Variants in MMP16 observed in about 807,000 individuals in gnomAD.
MMP16 encodes matrix metalloproteinase-16.
A neutral mutation model predicts 67.8 loss-of-function variants in MMP16; 12 were observed. That is an observed-to-expected ratio of 0.18 (90% CI 0.11 to 0.29). The LOEUF is 0.29. MMP16 is among the 10% of genes least tolerant of loss of function. MMP16 has a pLI of 1.00. For missense variants in MMP16, 475 were observed against 765.7 expected (o/e 0.62, Z 4.48); for synonymous variants, 249 against 255.9 (o/e 0.97, Z 0.26).
intron 6 of MMP16, among the ~76,000 whole-genome samples, chr8:88,101,731 G>A (rs1368783170): frequency 1.3e-5 from 2 of 151,870 alleles, no homozygotes; most frequent in Non-Finnish European, 1.5e-5. Flanking sequence ...GACAGATTAA[G>A]AATATGATGT....
Position 88,041,874 on chromosome 8 carries a change from G to A in MMP16, c.1490-79C>T, listed in dbSNP as rs565147285. 1.5e-5 allele frequency: 16 copies of A among 1,078,906 alleles called. No homozygotes were observed. In the African/African-American group the frequency reaches 1.6e-4, roughly 11 times the overall value. 66.8% of individuals were successfully genotyped at this position (1,078,906 alleles called of 1,614,324 possible). ...ATGTAGAGAAATGTTACTAAAATAGGCTATGTCTTAAGAGATGTATTTTAA... is the reference window on the plus strand; with the variant it reads ...ATGTAGAGAAATGTTACTAAAATAGACTATGTCTTAAGAGATGTATTTTAA... On this transcript the variant is annotated intron_variant, in intron 9 of 9. Coordinates refer to ENST00000286614, the MANE Select transcript of MMP16 (RefSeq NM_005941.5). The surrounding 1 kb of genome is among the most constrained non-coding windows in gnomAD (Gnocchi z 6.0).
At chr8:88,249,812 GCA>G (rs1211885328) in intron 1 of MMP16, among the ~76,000 whole-genome samples, 1 of 152,008 alleles carries the variant, frequency 6.6e-6, no homozygotes, top group Admixed American at 6.6e-5. Context: ...AACAGGGTTG[GCA>G]CACAGAAGGA....
chr8:88,293,329 C>CAT (rs1554592330), intron 1 of MMP16, among the ~76,000 whole-genome samples: 14 of 151,758 alleles, frequency 9.2e-5, no homozygotes, highest in African/African-American at 3.4e-4. Context: ...CTACTTAATG[C>CAT]TTTTTTTTAA....
chr8:88,210,148 G>C (rs575512515), intron 1 of MMP16, among the ~76,000 whole-genome samples: 2 of 152,090 alleles, frequency 1.3e-5, no homozygotes, highest in Non-Finnish European at 2.9e-5. Flanking sequence ...TGAAATTTCT[G>C]CTCTTTAAAT....
chr8:88,262,217 A>G (rs1810398562), intron 1 of MMP16, among the ~76,000 whole-genome samples: 1 of 152,252 alleles, frequency 6.6e-6, no homozygotes, highest in Admixed American at 6.5e-5. Flanking sequence ...TTATTATTAC[A>G]GGAAAAGTGT....
intron 1 of MMP16, among the ~76,000 whole-genome samples, chr8:88,296,825 G>A (rs1193011359): frequency 1.4e-5 from 2 of 147,376 alleles, no homozygotes; most frequent in Non-Finnish European, 3.0e-5. Context: ...AGCCTGGGTG[G>A]CAAAGTCAGA....
intron 7 of MMP16, among the ~76,000 whole-genome samples, chr8:88,057,271 C>G (rs925696123): frequency 6.6e-6 from 1 of 152,052 alleles, no homozygotes; most frequent in Non-Finnish European, 1.5e-5. Flanking sequence ...TTTCCTAGGA[C>G]TCTGTTCTCT....
rs28904269 is a variant in MMP16, at chr8:88,300,516, C to G, written c.132+26559G>C. On this transcript the variant is annotated intron_variant, in intron 1 of 9. Coordinates refer to ENST00000286614, the MANE Select transcript of MMP16 (RefSeq NM_005941.5). ...TTAGTACCTCTCTCTGTTATCAGAT[C>G]ACCCGTTGTGAGATAACAGTGCTTG... 1.1e-4 allele frequency among the ~76,000 whole-genome samples: 17 copies of G among 152,282 alleles called. No homozygotes were observed. The East Asian group carries it at 2.9e-3, about 26-fold the overall frequency.
intron 6 of MMP16, among the ~76,000 whole-genome samples, chr8:88,116,217 T>G (rs1395179075): frequency 2.0e-5 from 3 of 152,124 alleles, no homozygotes; most frequent in Non-Finnish European, 4.4e-5. Flanking sequence ...TATTCATGAT[T>G]CAAATTATGC....
At chr8:88,068,576 T>C (rs568732049) in intron 7 of MMP16, among the ~76,000 whole-genome samples, 33 of 152,250 alleles carry the variant, frequency 2.2e-4, no homozygotes, top group African/African-American at 7.0e-4. Flanking sequence ...AGGATGTGAA[T>C]TGGAGGTTTG....
rs1808025605 is a variant in MMP16, at chr8:88,034,277, AT to A, written c.*7183del. 6.6e-6 allele frequency: 1 copy of A among 152,182 alleles called. No homozygotes were observed. The highest frequency in any genetic ancestry group is 2.4e-5 in the African/African-American group (1 of 41,368). The allele number at this position is 152,182 out of a possible 1,614,324, so 9.4% of individuals were successfully genotyped here. A position where few individuals can be genotyped will look rare whatever the true frequency, so the allele number is the denominator to read the frequency against. ...AAAGGCAAGATAGGAATAGAAAGAAATGCAAATATAGACAGAGACTGCATAG... is the reference window on the plus strand; with the variant it reads ...AAAGGCAAGATAGGAATAGAAAGAAAGCAAATATAGACAGAGACTGCATAG... On this transcript the variant is annotated 3_prime_UTR_variant, in exon 10 of 10. Coordinates refer to ENST00000286614, the MANE Select transcript of MMP16 (RefSeq NM_005941.5).
intron 1 of MMP16, among the ~76,000 whole-genome samples, chr8:88,323,787 A>C (rs1034155132): frequency 6.8e-6 from 1 of 146,974 alleles, no homozygotes; most frequent in Non-Finnish European, 1.5e-5. Flanking sequence ...ACAGCATACC[A>C]AAAAAAAAAG....
At chr8:88,191,388 G>A (rs1363804060) in intron 2 of MMP16, among the ~76,000 whole-genome samples, 1 of 152,146 alleles carries the variant, frequency 6.6e-6, no homozygotes, top group Non-Finnish European at 1.5e-5. Flanking sequence ...CTAGCAGACA[G>A]TAACTACTAT....
chr8:88,246,461 T>A (rs78851218), intron 1 of MMP16, among the ~76,000 whole-genome samples: 2 of 152,306 alleles, frequency 1.3e-5, no homozygotes, highest in African/African-American at 4.8e-5. Context: ...GAAGACTGTG[T>A]AGCGATCTCA....
intron 8 of MMP16, among the ~76,000 whole-genome samples, chr8:88,048,202 A>G (rs911833839): frequency 2.6e-5 from 4 of 152,182 alleles, no homozygotes; most frequent in African/African-American, 9.7e-5. Flanking sequence ...ATGTGAGTAT[A>G]GACATTAGGG....
intron 1 of MMP16, among the ~76,000 whole-genome samples, chr8:88,301,691 T>C (rs943348732): frequency 3.9e-5 from 6 of 152,210 alleles, no homozygotes; most frequent in Non-Finnish European, 7.3e-5. Context: ...CTGAGATGAC[T>C]GAATCATAGC....
At chr8:88,098,267 T>A (rs1809063871) in intron 6 of MMP16, among the ~76,000 whole-genome samples, 1 of 152,056 alleles carries the variant, frequency 6.6e-6, no homozygotes. Flanking sequence ...ATCCATGGGC[T>A]ACTGCCAACT....
chr8:88,272,168 T>C (rs1435274063), intron 1 of MMP16, among the ~76,000 whole-genome samples: 2 of 152,186 alleles, frequency 1.3e-5, no homozygotes, highest in Non-Finnish European at 2.9e-5. Flanking sequence ...GTTGTATTAT[T>C]AGCAGTATTA....
chr8:88,110,849 T>G (rs1809322911), intron 6 of MMP16, among the ~76,000 whole-genome samples: 1 of 151,686 alleles, frequency 6.6e-6, no homozygotes, highest in Non-Finnish European at 1.5e-5. Flanking sequence ...ATTAATATGA[T>G]GAAAAGTTAA....
Sources: allele counts gnomAD v4.1 joint callset (sites outside exome capture counted in the v4.1 genomes callset), GRCh38; gene constraint gnomAD v4.1.1; non-coding constraint Gnocchi (gnomAD v3.1); transcripts MANE v1.5; gene names NCBI Gene and HGNC (gene_info 2026-07-23, HGNC 2026-07-21).